Variants in C12orf56 observed in about 807,000 individuals in gnomAD.
C12orf56 encodes chromosome 12 open reading frame 56.
A neutral mutation model predicts 69.9 loss-of-function variants in C12orf56; 71 were observed. The ratio of observed to expected loss-of-function variants is 1.02; its 90% CI spans 0.84 to 1.24. The LOEUF (loss-of-function observed/expected upper bound fraction) is 1.24. Ranked by LOEUF, C12orf56 falls within the 50% of genes most tolerant of loss-of-function variation. C12orf56 has a pLI of 0.00. For synonymous variants in C12orf56, 276 were observed against 274.1 expected, an observed-to-expected ratio of 1.01 and a Z score of -0.07; for missense variants, 732 against 738.5, an observed-to-expected ratio of 0.99 and a Z score of 0.10.
chr12:64,286,875 G>C (rs1440772978), intron 6 of C12orf56, among the ~76,000 whole-genome samples: 1 of 152,072 alleles, frequency 6.6e-6, no homozygotes, highest in African/African-American at 2.4e-5. Context: ...GAATGCCAGA[G>C]AAAGGAAAAA....
chr12:64,323,975 A>T (rs762796695), intron 3 of C12orf56, among the ~76,000 whole-genome samples: 7 of 152,160 alleles, frequency 4.6e-5, no homozygotes, highest in Non-Finnish European at 1.0e-4. Context: ...AATCCTTCCA[A>T]TTACAAAGAC....
chr12:64,307,559 G>C (rs945978757), intron 5 of C12orf56, among the ~76,000 whole-genome samples: 1 of 151,814 alleles, frequency 6.6e-6, no homozygotes, highest in Non-Finnish European at 1.5e-5. Flanking sequence ...TGTAGAGACA[G>C]GGTTTCACCA....
chr12:64,298,078 C>A (rs1480628699), intron 6 of C12orf56, among the ~76,000 whole-genome samples: 2 of 152,162 alleles, frequency 1.3e-5, no homozygotes, highest in Non-Finnish European at 2.9e-5. Context: ...GATCACCATT[C>A]TAACTGGCAT....
At chr12:64,356,566 A>G (rs2039320764) in intron 1 of C12orf56, among the ~76,000 whole-genome samples, 1 of 152,196 alleles carries the variant, frequency 6.6e-6, no homozygotes, top group Admixed American at 6.5e-5. Flanking sequence ...AGAGAGCAGG[A>G]GTACAAGTCA....
At chr12:64,354,923 CA>C (rs74943312) in intron 1 of C12orf56, among the ~76,000 whole-genome samples, 8,218 of 150,826 alleles carry the variant, frequency 0.054, 345 homozygotes, top group South Asian at 0.14. Flanking sequence ...TACTAAAATA[CA>C]AAAATTAGCT....
At chr12:64,338,035 G>A (rs1461157389) in intron 2 of C12orf56, 2 of 254,714 alleles carry the variant, frequency 7.9e-6, no homozygotes, top group African/African-American at 4.6e-5. Context: ...ATTAGTGACA[G>A]AGGGGCATCA....
intron 1 of C12orf56, among the ~76,000 whole-genome samples, chr12:64,363,657 G>C: frequency 6.6e-6 from 1 of 152,152 alleles, no homozygotes; most frequent in East Asian, 1.9e-4. Context: ...AGCCAGAGTA[G>C]TCACGTACAA....
intron 7 of C12orf56, 74 bp downstream of exon 7, chr12:64,285,880 G>T (rs2038193535): frequency 3.6e-6 from 3 of 836,958 alleles, no homozygotes; most frequent in South Asian, 4.3e-5. Flanking sequence ...CATATATTTT[G>T]TCCAGTGTCT....
Position 64,284,755 on chromosome 12 carries a change from T to TA in C12orf56, c.1221-3dup. On this transcript the variant is annotated splice_region_variant and splice_polypyrimidine_tract_variant and intron_variant, in intron 7 of 12. Transcript: ENST00000543942. ...GTCTGTATAATTTCAATGCATGCCC[T>TA]AGAAAATAAACGATAAAAGGCAAAG... The TA allele has an allele frequency of 6.3e-7, 1 of 1,581,588 alleles. No homozygotes were observed. Among genetic ancestry groups the TA allele is most frequent in the African/African-American group, 1.4e-5 (1 of 73,836 alleles).
intron 2 of C12orf56, among the ~76,000 whole-genome samples, chr12:64,352,111 T>TG (rs1278359755): frequency 9.4e-6 from 1 of 106,070 alleles, no homozygotes; most frequent in South Asian, 2.7e-4. Flanking sequence ...TTTTTTTTTT[T>TG]TTTTGTTTTT....
At chr12:64,356,521 G>A (rs543280519) in intron 1 of C12orf56, among the ~76,000 whole-genome samples, 13 of 152,260 alleles carry the variant, frequency 8.5e-5, no homozygotes, top group South Asian at 8.3e-4. Flanking sequence ...GGGTTGGACC[G>A]CACAGTCTAA....
At chr12:64,320,461 C>A (rs1327144852) in intron 3 of C12orf56, among the ~76,000 whole-genome samples, 1 of 152,170 alleles carries the variant, frequency 6.6e-6, no homozygotes, top group African/African-American at 2.4e-5. Flanking sequence ...TTGTGCCTGG[C>A]CTGAGATTTT....
At chr12:64,334,312 GA>G in intron 2 of C12orf56, among the ~76,000 whole-genome samples, 1 of 152,014 alleles carries the variant, frequency 6.6e-6, no homozygotes, top group East Asian at 1.9e-4. Flanking sequence ...ATTGGTTTTA[GA>G]AAATATCTAG....
At chr12:64,367,165 C>CATACAGTTTATATATTATATATAAT (rs2039501437) in intron 1 of C12orf56, among the ~76,000 whole-genome samples, 2 of 56,512 alleles carry the variant, frequency 3.5e-5, no homozygotes, top group African/African-American at 1.0e-4. Flanking sequence ...TTATATATAA[C>CATACAGTTTATATATTATATATAAT]ATACAGTTTA....
chr12:64,358,482 A>AATAATAATCATCATCATC lies in C12orf56; in HGVS notation c.253-5427_253-5426insGATGATGATGATTATTAT, dbSNP rs11275269. ...CAAAAGTAATAATAATAATAATAAT[A>AATAATAATCATCATCATC]ATCATCATCATCATCATCATCATCA... is the stretch of plus-strand genomic sequence containing the variant. On this transcript the variant is annotated intron_variant, in intron 1 of 12. Transcript: ENST00000543942. 6.5e-3 allele frequency among the ~76,000 whole-genome samples: 816 copies of AATAATAATCATCATCATC among 125,924 alleles called. 11 individuals carry two copies. The highest frequency in any genetic ancestry group is 0.011 in the Non-Finnish European group (649 of 60,862). The allele number at this position is 125,924 out of a possible 152,430, so 82.6% of individuals were successfully genotyped here. A position where few individuals can be genotyped will look rare whatever the true frequency, so the allele number is the denominator to read the frequency against.
Position 64,318,854 on chromosome 12 carries a change from A to G in C12orf56, c.615T>C (p.Ser205=). 6.5e-7 allele frequency: 1 copy of G among 1,537,204 alleles called. No individual in the cohort carries two copies. The highest frequency in any genetic ancestry group is 8.7e-7 in the Non-Finnish European group (1 of 1,146,900). ...CCTTGCCAGTTGTTGGTGCAGACTG[A>G]GAGCTCCTCCTGGAGGGGGAAGGTA... ...RPLPSPSRRS[S]QSAPTTGKAV... The change falls in exon 4 of 13, where the codon TCT becomes TCC. Residue 205 remains serine (S), a synonymous_variant. Transcript: ENST00000543942.
intron 1 of C12orf56, among the ~76,000 whole-genome samples, chr12:64,365,729 T>C (rs994036313): frequency 2.1e-5 from 3 of 143,840 alleles, no homozygotes; most frequent in Admixed American, 7.3e-5. Context: ...TAATATATAA[T>C]ATATAGTTTA....
At chr12:64,272,505 A>C (rs5798739) in intron 11 of C12orf56, among the ~76,000 whole-genome samples, 412 of 16,430 alleles carry the variant, frequency 0.025, 1 homozygote, top group Non-Finnish European at 0.082. Flanking sequence ...ACTCTGTCTC[A>C]AATAAATAAA....
intron 1 of C12orf56, among the ~76,000 whole-genome samples, chr12:64,355,076 T>C (rs2039291161): frequency 4.0e-5 from 1 of 24,788 alleles, no homozygotes; most frequent in Admixed American, 6.0e-4. Context: ...AGACTCCGTC[T>C]CAAAAAAAAA....
Sources: gnomAD v4.1 joint callset for allele counts (sites outside exome capture counted in the v4.1 genomes callset) on GRCh38, gnomAD v4.1.1 for gene constraint, MANE v1.5 for transcripts, NCBI Gene and HGNC (gene_info 2026-07-23, HGNC 2026-07-21) for gene names.